ABTB3: variants seen among roughly 807,000 people sequenced by gnomAD.
The protein encoded by ABTB3 is ankyrin repeat and BTB domain containing 3, also known as ankyrin repeat- and BTB/POZ domain-containing protein 3.
At chr12:107,620,090 CAGG>C in the ABTB3 span, 27 of 1,614,068 alleles carry the variant, frequency 1.7e-5, no homozygotes, top group African/African-American at 3.1e-4. Flanking sequence ...TAAGACCATT[CAGG>C]AGGAGGAATA....
chr12:107,598,604 T>C, the ABTB3 span, among the ~76,000 whole-genome samples: 1 of 152,190 alleles, frequency 6.6e-6, no homozygotes, highest in Non-Finnish European at 1.5e-5. Context: ...CAGGAATAAA[T>C]GTTCGCATGA....
At chr12:107,321,624 C>T in the ABTB3 span, among the ~76,000 whole-genome samples, 805 of 133,266 alleles carry the variant, frequency 6.0e-3, 4 homozygotes, top group African/African-American at 0.02. Context: ...CACACACACA[C>T]ACACACATCC....
the ABTB3 span, chr12:107,614,958 T>A: frequency 1.1e-6 from 1 of 930,294 alleles, no homozygotes; most frequent in East Asian, 2.6e-5. Context: ...AGGATGTCTT[T>A]TTGTCCATCT....
the ABTB3 span, chr12:107,319,141 C>G: frequency 1.2e-6 from 2 of 1,603,382 alleles, no homozygotes; most frequent in East Asian, 4.5e-5. Context: ...ACAGCTTTGA[C>G]ACTGTCAACA....
the ABTB3 span, among the ~76,000 whole-genome samples, chr12:107,373,432 TC>T: frequency 6.6e-6 from 1 of 152,028 alleles, no homozygotes; most frequent in Non-Finnish European, 1.5e-5. Context: ...AAGCAAACAC[TC>T]CCCTGGGGTT....
At chr12:107,469,922 C>CTT in the ABTB3 span, among the ~76,000 whole-genome samples, 1,066 of 89,864 alleles carry the variant, frequency 0.012, 84 homozygotes, top group East Asian at 0.034. Context: ...TTCTTTCTTT[C>CTT]TCTCTCTCTC....
At chr12:107,451,285 A>G in the ABTB3 span, among the ~76,000 whole-genome samples, 1 of 152,188 alleles carries the variant, frequency 6.6e-6, no homozygotes, top group African/African-American at 2.4e-5. Flanking sequence ...GGCGAGGTGG[A>G]AACCTCATTT....
At chr12:107,446,649 G>A in the ABTB3 span, among the ~76,000 whole-genome samples, 3,515 of 152,244 alleles carry the variant, frequency 0.023, 143 homozygotes, top group African/African-American at 0.081. Context: ...GGGTCTAGCC[G>A]CATCTGCATC....
the ABTB3 span, among the ~76,000 whole-genome samples, chr12:107,512,899 A>T: frequency 6.6e-6 from 1 of 152,184 alleles, no homozygotes; most frequent in East Asian, 1.9e-4. Flanking sequence ...TATTAATATT[A>T]CCATTTTACA....
chr12:107,451,810 G>T, the ABTB3 span, among the ~76,000 whole-genome samples: 1 of 152,156 alleles, frequency 6.6e-6, no homozygotes, highest in African/African-American at 2.4e-5. Flanking sequence ...ACACATTGGA[G>T]AATATAACAG....
the ABTB3 span, among the ~76,000 whole-genome samples, chr12:107,372,908 C>G: frequency 1.3e-5 from 2 of 152,190 alleles, no homozygotes; most frequent in African/African-American, 4.8e-5. Context: ...GCTGTCTCCC[C>G]AGTGCCGGGA....
the ABTB3 span, chr12:107,612,862 A>G: frequency 1.2e-6 from 2 of 1,613,594 alleles, no homozygotes; most frequent in African/African-American, 1.3e-5. Flanking sequence ...GCTGACCTGA[A>G]TGTGGAGGTG....
At chr12:107,471,658 G>A in the ABTB3 span, among the ~76,000 whole-genome samples, 2 of 152,072 alleles carry the variant, frequency 1.3e-5, no homozygotes, top group Admixed American at 1.3e-4. Context: ...AATGACCCTG[G>A]CATCCCTGGC....
chr12:107,341,266 G>C, the ABTB3 span, among the ~76,000 whole-genome samples: 24 of 152,198 alleles, frequency 1.6e-4, 1 homozygote, highest in Admixed American at 1.6e-3. Context: ...GCAGGGACTT[G>C]TGAAGCACCT....
At chr12:107,383,852 G>C in the ABTB3 span, among the ~76,000 whole-genome samples, 41 of 152,206 alleles carry the variant, frequency 2.7e-4, no homozygotes, top group Non-Finnish European at 1.2e-4. Context: ...GCAAATTGCA[G>C]ACAGTTCAGA....
At chr12:107,555,316 T>C in the ABTB3 span, among the ~76,000 whole-genome samples, 31 of 152,300 alleles carry the variant, frequency 2.0e-4, no homozygotes, top group African/African-American at 6.7e-4. Flanking sequence ...CTCCAGGGCT[T>C]GTCAAACAGC....
the ABTB3 span, among the ~76,000 whole-genome samples, chr12:107,646,751 G>A: frequency 6.6e-6 from 1 of 152,196 alleles, no homozygotes; most frequent in African/African-American, 2.4e-5. Flanking sequence ...CTGGGATACA[G>A]CGGTGGGCAA....
the ABTB3 span, among the ~76,000 whole-genome samples, chr12:107,563,767 G>C: frequency 5.9e-5 from 9 of 152,138 alleles, no homozygotes; most frequent in African/African-American, 1.7e-4. Flanking sequence ...AAGGAAACAA[G>C]AGCAGAGGCC....
the ABTB3 span, among the ~76,000 whole-genome samples, chr12:107,485,230 C>T: frequency 1.1e-4 from 17 of 152,216 alleles, no homozygotes; most frequent in East Asian, 1.4e-3. Context: ...CTTTCCTCTC[C>T]GTCTTGTTGA....
Sources: gnomAD v4.1 joint callset for allele counts (sites outside exome capture counted in the v4.1 genomes callset) on GRCh38, gnomAD v4.1.1 for gene constraint, MANE v1.5 for transcripts, NCBI Gene and HGNC (gene_info 2026-07-23, HGNC 2026-07-21) for gene names.